HERC4: variants seen among roughly 807,000 people sequenced by gnomAD.
HERC4 encodes the protein HECT and RLD domain containing E3 ubiquitin protein ligase 4.
HERC4 carries 28 observed loss-of-function variants against 124.3 expected under a neutral mutation model. That is an observed-to-expected ratio of 0.23 (90% confidence interval 0.17 to 0.31). The LOEUF (loss-of-function observed/expected upper bound fraction) is 0.31, where lower values mean the gene tolerates loss of function less well. HERC4 is among the 10% of genes least tolerant of loss of function. The probability of loss-of-function intolerance (pLI) is 1.00; values close to 1 mark genes in which losing one functional copy is unlikely to be tolerated. For missense variants in HERC4, 713 were observed against 1,229.3 expected (o/e 0.58, Z 6.28); for synonymous variants, 407 against 421.5 (o/e 0.97, Z 0.42).
chr10:68,013,635 G>A (rs1429392253), intron 9 of HERC4, among the ~76,000 whole-genome samples: 1 of 152,170 alleles, frequency 6.6e-6, no homozygotes, highest in Non-Finnish European at 1.5e-5. Context: ...GTATCCTCAA[G>A]ATGAAAAGAG....
At chr10:68,051,618 C>CA in intron 3 of HERC4, among the ~76,000 whole-genome samples, 1 of 151,722 alleles carries the variant, frequency 6.6e-6, no homozygotes, top group East Asian at 1.9e-4. Context: ...CTCGGCCTCC[C>CA]AAAGTGCTGG....
intron 5 of HERC4, 128 bp from the exon 6 acceptor site, chr10:68,034,314 G>T: frequency 3.0e-6 from 2 of 669,412 alleles, no homozygotes; most frequent in Non-Finnish European, 5.0e-6. Flanking sequence ...ATCATCAAAA[G>T]AATATAAATA....
chr10:68,069,302 T>C, intron 3 of HERC4: 1 of 963,518 alleles, frequency 1.0e-6, no homozygotes, highest in South Asian at 4.8e-5. Context: ...ATTGAGACAT[T>C]AGCTTAAAAA....
chr10:68,067,951 T>G (rs1332083453), intron 3 of HERC4: 1 of 152,250 alleles, frequency 6.6e-6, no homozygotes, highest in Non-Finnish European at 1.5e-5. Flanking sequence ...CTCGATCTTC[T>G]TATCAGTTCT....
At chr10:68,063,657 G>C (rs2041148717) in intron 3 of HERC4, among the ~76,000 whole-genome samples, 1 of 152,182 alleles carries the variant, frequency 6.6e-6, no homozygotes, top group African/African-American at 2.4e-5. Context: ...ACAGAGGTAG[G>C]TCAGGCGTGG....
chr10:67,933,842 C>T (rs2032078704), intron 22 of HERC4, among the ~76,000 whole-genome samples: 1 of 152,056 alleles, frequency 6.6e-6, no homozygotes, highest in Non-Finnish European at 1.5e-5. Context: ...TTTGTCATTC[C>T]ATTTAACAGA....
chr10:68,072,767 CT>C, intron 3 of HERC4, 115 bp downstream of exon 3: 1 of 659,970 alleles, frequency 1.5e-6, no homozygotes. Context: ...ATAACTTCTA[CT>C]TTGCTTTTAA....
In HERC4 at chr10:68,003,205, C is replaced by T. The variant is rs565131042; in HGVS notation, c.1070-10523G>A. On this transcript the variant is annotated intron_variant, in intron 9 of 24. Transcript: ENST00000373700. ...GGAGTCTTGCTCTGTCACCTAGGCT[C>T]GAGTGCAGTGGCTCACTTGGCTCAC... Among the ~76,000 whole-genome samples the T allele has an allele frequency of 4.6e-5, 7 of 151,216 alleles. No homozygotes were observed. In the South Asian group the frequency reaches 1.3e-3, roughly 27 times the overall value.
At chr10:68,062,767 AT>A (rs1265280143) in intron 3 of HERC4, among the ~76,000 whole-genome samples, 6 of 150,836 alleles carry the variant, frequency 4.0e-5, no homozygotes, top group South Asian at 2.1e-4. Flanking sequence ...CTCAAAAAAA[AT>A]AATAAATAAA....
At chr10:68,055,343 C>T (rs1042383625) in intron 3 of HERC4, among the ~76,000 whole-genome samples, 1 of 152,030 alleles carries the variant, frequency 6.6e-6, no homozygotes, top group African/African-American at 2.4e-5. Flanking sequence ...TAGTGGGTTC[C>T]CTGATAAAAT....
chr10:68,050,392 G>A (rs2040238381), intron 3 of HERC4, among the ~76,000 whole-genome samples: 1 of 152,024 alleles, frequency 6.6e-6, no homozygotes, highest in South Asian at 2.1e-4. Flanking sequence ...AGAAACAGAC[G>A]CTTAGAGTAA....
At chr10:68,039,940 CT>C in intron 4 of HERC4, 1 of 922,278 alleles carries the variant, frequency 1.1e-6, no homozygotes, top group South Asian at 4.8e-5. Flanking sequence ...ATGTTTTTTC[CT>C]TCAGAGCATT....
chr10:67,989,462 C>G (rs1331839498), intron 14 of HERC4, among the ~76,000 whole-genome samples: 1 of 151,852 alleles, frequency 6.6e-6, no homozygotes, highest in Non-Finnish European at 1.5e-5. Context: ...CTTTTCAGTC[C>G]CTGCTTGACT....
Position 67,940,926 on chromosome 10 carries a change from T to C in HERC4, c.2504+13A>G. 1 of 1,604,902 alleles carries C rather than the reference T, an allele frequency of 6.2e-7. No homozygotes were observed. Among genetic ancestry groups the C allele is most frequent in the Non-Finnish European group, 8.5e-7 (1 of 1,177,594 alleles). On this transcript the variant is annotated intron_variant, in intron 20 of 24. Coordinates refer to ENST00000373700, the MANE Select transcript of HERC4 (RefSeq NM_015601.4). ...CAAACCCTACTACTTTTTGACTTTT[T>C]TTTCCAACTAACCTCCCAACATCAG...
At chr10:67,951,293 C>A (rs947829627) in intron 19 of HERC4, among the ~76,000 whole-genome samples, 1 of 152,160 alleles carries the variant, frequency 6.6e-6, no homozygotes, top group African/African-American at 2.4e-5. Flanking sequence ...GAGACCAGTG[C>A]CAGGAAGGAG....
intron 9 of HERC4, among the ~76,000 whole-genome samples, chr10:68,002,248 G>A (rs1005650271): frequency 3.9e-5 from 6 of 152,124 alleles, no homozygotes; most frequent in African/African-American, 7.2e-5. Context: ...TAGTATCCTC[G>A]TCACTGTGAA....
chr10:68,038,342 G>C, intron 4 of HERC4, 173 bp from the exon 5 acceptor site: 4 of 377,972 alleles, frequency 1.1e-5, no homozygotes, highest in East Asian at 4.2e-5. Flanking sequence ...CAGTAAACAA[G>C]AGCTAGATAC....
chr10:68,060,108 T>C (rs2485680), intron 3 of HERC4, among the ~76,000 whole-genome samples: 71,415 of 149,972 alleles, frequency 0.48, 18,997 homozygotes, highest in East Asian at 0.85. Context: ...TTTTGCAGGA[T>C]AGATACAAGA....
intron 8 of HERC4, among the ~76,000 whole-genome samples, chr10:68,016,404 G>A (rs1330740584): frequency 2.0e-5 from 3 of 152,086 alleles, no homozygotes; most frequent in Non-Finnish European, 4.4e-5. Context: ...CCAGGCTGGA[G>A]TGCAGTGGCG....
Sources: allele counts gnomAD v4.1 joint callset (sites outside exome capture counted in the v4.1 genomes callset), GRCh38; gene constraint gnomAD v4.1.1; transcripts MANE v1.5; gene names NCBI Gene and HGNC (gene_info 2026-07-23, HGNC 2026-07-21).